The following GK5 variants were observed in gnomAD, a reference collection of about 807,000 sequenced individuals.
GK5 encodes the protein ATP:glycerol 3-phosphotransferase 5.
In GK5, 39 loss-of-function variants were observed where a neutral mutation model predicts 77.3. The observed-to-expected ratio is 0.50, with a 90% CI of 0.39 to 0.66. The LOEUF is 0.66. Ranked by LOEUF, GK5 falls within the 30% of genes least tolerant of loss-of-function variation. The pLI is 0.00. For missense variants in GK5, 487 were observed against 633.8 expected (o/e 0.77, Z 2.49); for synonymous variants, 211 against 208.0 (o/e 1.01, Z -0.13).
At chr3:142,193,494 A>AC (rs999785519) in intron 5 of GK5, among the ~76,000 whole-genome samples, 2 of 151,648 alleles carry the variant, frequency 1.3e-5, no homozygotes, top group African/African-American at 4.8e-5. Flanking sequence ...AAAAAAAAAA[A>AC]AACAAAAAAA....
intron 3 of GK5, among the ~76,000 whole-genome samples, chr3:142,206,255 T>A (rs1363252769): frequency 6.6e-6 from 1 of 152,220 alleles, no homozygotes; most frequent in Non-Finnish European, 1.5e-5. Flanking sequence ...GTCTTTGTTT[T>A]CAATTTTTTT....
Position 142,157,951 on chromosome 3 carries a change from GTTTT to G in GK5, c.*7667_*7670del, listed in dbSNP as rs1228869039. 1 of 141,944 alleles carries G rather than the reference GTTTT, an allele frequency of 7.0e-6. No homozygotes were observed. Among genetic ancestry groups the G allele is most frequent in the African/African-American group, 2.9e-5 (1 of 34,256 alleles). The allele number at this position is 141,944 out of a possible 1,614,324, so 8.8% of individuals were successfully genotyped here. On this transcript the variant is annotated 3_prime_UTR_variant, in exon 16 of 16. Transcript: ENST00000392993. Reference sequence around the variant, plus strand: ...GTTGTTTTTTGTTGTTGTTGTTGTTGTTTTTGTTTTTTTTTTTTGAGATGGAGTC... The same window carrying G: ...GTTGTTTTTTGTTGTTGTTGTTGTTGTGTTTTTTTTTTTTGAGATGGAGTC...
At chr3:142,183,689 CG>C (rs1287590883) in intron 9 of GK5, among the ~76,000 whole-genome samples, 1 of 151,896 alleles carries the variant, frequency 6.6e-6, no homozygotes, top group Non-Finnish European at 1.5e-5. Context: ...CAGGTGGTCT[CG>C]ATCTCTTGAT....
Position 142,161,011 on chromosome 3 carries a change from C to T in GK5, c.*4611G>A, listed in dbSNP as rs1357743719. On this transcript the variant is annotated 3_prime_UTR_variant, in exon 16 of 16. Transcript: ENST00000392993. ...GTGCTGGGATTACAGGCATGAGCCA[C>T]TGTACTTGGCCAAAAATTTTAAATA... 6.6e-6 allele frequency: 1 copy of T among 152,120 alleles called. No homozygotes were observed. The highest frequency in any genetic ancestry group is 1.5e-5 in the Non-Finnish European group (1 of 68,032). The allele number at this position is 152,120 out of a possible 1,614,324, so 9.4% of individuals were successfully genotyped here.
At chr3:142,178,250 C>T (rs1156671404) in intron 11 of GK5, among the ~76,000 whole-genome samples, 1 of 152,078 alleles carries the variant, frequency 6.6e-6, no homozygotes, top group East Asian at 1.9e-4. Flanking sequence ...AGATAAGAGC[C>T]ATCCTAGGTT....
intron 1 of GK5, among the ~76,000 whole-genome samples, chr3:142,219,698 G>C (rs1242021527): frequency 6.6e-6 from 1 of 152,172 alleles, no homozygotes; most frequent in Non-Finnish European, 1.5e-5. Context: ...AATAAATTTT[G>C]TATGCTGGAT....
chr3:142,196,499 A>C (rs2063935400), intron 5 of GK5, among the ~76,000 whole-genome samples: 1 of 152,010 alleles, frequency 6.6e-6, no homozygotes, highest in South Asian at 2.1e-4. Flanking sequence ...GCATCTAATA[A>C]GTTTTGGTAT....
Position 142,204,676 on chromosome 3 carries a change from C to G in GK5, c.411+19G>C. ...AAAAAAAAACCAACAATATCCAAATCACACAAGAAAAAGATTACCTTCATA... is the reference window on the plus strand; with the variant it reads ...AAAAAAAAACCAACAATATCCAAATGACACAAGAAAAAGATTACCTTCATA... On this transcript the variant is annotated intron_variant, in intron 4 of 15. Transcript: ENST00000392993. The G allele has an allele frequency of 7.8e-7, 1 of 1,285,680 alleles. No individual in the cohort carries two copies. Among genetic ancestry groups the G allele is most frequent in the East Asian group, 2.3e-5 (1 of 43,208 alleles). The allele number at this position is 1,285,680 out of a possible 1,614,324, so 79.6% of individuals were successfully genotyped here. A position where few individuals can be genotyped will look rare whatever the true frequency, so the allele number is the denominator to read the frequency against.
At chr3:142,183,135 A>G (rs918077150) in intron 9 of GK5, 86 bp from the exon 10 acceptor site, 1 of 1,106,046 alleles carries the variant, frequency 9.0e-7, no homozygotes, top group Admixed American at 2.3e-5. Context: ...TTGTACTCTC[A>G]TGATTAAACA....
rs984519620 is a variant in GK5, at chr3:142,193,853, G to C, written c.543+4949C>G. On this transcript the variant is annotated intron_variant, in intron 5 of 15. Transcript: ENST00000392993. ...CCTCCCCAGTTCAAGTGATTCTCCT[G>C]CCTCAGCCTCCCACATAGCTGGGAT... is the stretch of plus-strand genomic sequence containing the variant. 3.3e-5 allele frequency among the ~76,000 whole-genome samples: 5 copies of C among 152,066 alleles called. No homozygotes were observed. In the East Asian group the frequency reaches 7.7e-4, roughly 23 times the overall value.
At chr3:142,187,220 T>C (rs2063785342) in intron 6 of GK5, among the ~76,000 whole-genome samples, 1 of 151,702 alleles carries the variant, frequency 6.6e-6, no homozygotes, top group African/African-American at 2.4e-5. Flanking sequence ...CCTCTTATAA[T>C]AAATCTAGAA....
intron 11 of GK5, among the ~76,000 whole-genome samples, chr3:142,178,856 A>T (rs966270029): frequency 2.0e-4 from 30 of 152,232 alleles, no homozygotes; most frequent in African/African-American, 7.2e-4. Flanking sequence ...ATAGTTTTTC[A>T]AAGTGGCTCT....
intron 13 of GK5, 110 bp from the exon 14 acceptor site, chr3:142,171,588 T>A: frequency 1.2e-6 from 1 of 803,854 alleles, no homozygotes; most frequent in Non-Finnish European, 1.7e-6. Context: ...TTGATATTTA[T>A]AAAATGTACA....
Position 142,177,704 on chromosome 3 carries a change from T to G in GK5, c.1049-128A>C. Reference sequence around the variant, plus strand: ...TTTATTATGAATATAATGTAAAAGATTGCTCACTTAAAAGGGTCAGCACAA... The same window carrying G: ...TTTATTATGAATATAATGTAAAAGAGTGCTCACTTAAAAGGGTCAGCACAA... On this transcript the variant is annotated intron_variant, in intron 11 of 15. Transcript: ENST00000392993. 1.2e-5 allele frequency: 8 copies of G among 645,688 alleles called. 1 individual carries two copies. In the South Asian group the frequency reaches 1.6e-4, roughly 13 times the overall value. The allele number at this position is 645,688 out of a possible 1,614,324, so 40.0% of individuals were successfully genotyped here. A position where few individuals can be genotyped will look rare whatever the true frequency, so the allele number is the denominator to read the frequency against.
At chr3:142,190,035 A>T (rs926608161) in intron 5 of GK5, among the ~76,000 whole-genome samples, 1 of 152,234 alleles carries the variant, frequency 6.6e-6, no homozygotes, top group East Asian at 1.9e-4. Flanking sequence ...TGGGAGCTAC[A>T]GATGATGGAA....
chr3:142,168,639 G>A (rs962946685), intron 15 of GK5, among the ~76,000 whole-genome samples: 7 of 151,968 alleles, frequency 4.6e-5, no homozygotes, highest in African/African-American at 1.5e-4. Flanking sequence ...AAATTGACAT[G>A]CCTACTTTCA....
chr3:142,187,569 C>T, intron 6 of GK5, 135 bp downstream of exon 6: 2 of 651,718 alleles, frequency 3.1e-6, no homozygotes, highest in South Asian at 3.4e-5. Context: ...TACACCATTG[C>T]ACTCCCGCCT....
At position 142,164,005 on chromosome 3, in the gene GK5, A is replaced by G. The variant is rs1395440798; in HGVS notation, c.*1617T>C. 2 of 152,176 alleles carry G rather than the reference A, an allele frequency of 1.3e-5. No individual in the cohort carries two copies. The highest frequency in any genetic ancestry group is 2.9e-5 in the Non-Finnish European group (2 of 68,022). 9.4% of individuals were successfully genotyped at this position (152,176 alleles called of 1,614,324 possible). A position where few individuals can be genotyped will look rare whatever the true frequency, so the allele number is the denominator to read the frequency against. On this transcript the variant is annotated 3_prime_UTR_variant, in exon 16 of 16. Transcript: ENST00000392993. ...GAAAAGAATAAGATTTATCTACATA[A>G]TGAAGTTTGACTTTTTACAGTAAAT... is the stretch of plus-strand genomic sequence containing the variant.
At chr3:142,168,820 C>T (rs1361293267) in intron 15 of GK5, among the ~76,000 whole-genome samples, 3 of 147,264 alleles carry the variant, frequency 2.0e-5, no homozygotes, top group African/African-American at 7.5e-5. Flanking sequence ...CACAACTACA[C>T]CTCTATGTAC....
Sources: gnomAD v4.1 joint callset for allele counts (sites outside exome capture counted in the v4.1 genomes callset) on GRCh38, gnomAD v4.1.1 for gene constraint, MANE v1.5 for transcripts, NCBI Gene and HGNC (gene_info 2026-07-23, HGNC 2026-07-21) for gene names.